Variants in RARS2 observed in about 807,000 individuals in gnomAD.
The protein encoded by RARS2 is arginyl-tRNA synthetase 2, mitochondrial.
A neutral mutation model predicts 88.5 loss-of-function variants in RARS2; 67 were observed. The ratio of observed to expected loss-of-function variants is 0.76; its 90% confidence interval spans 0.62 to 0.93. The LOEUF is 0.93. Among genes scored for constraint, RARS2 ranks in the 40% least tolerant of loss-of-function variants. The pLI is 0.00. For synonymous variants in RARS2, 239 were observed against 230.3 expected (o/e 1.04, Z -0.34); for missense variants, 664 against 684.2 (o/e 0.97, Z 0.33).
intron 16 of RARS2, 24 bp from the exon 17 acceptor site, chr6:87,518,288 A>G (rs1458782851): frequency 6.2e-7 from 1 of 1,613,958 alleles, no homozygotes; most frequent in African/African-American, 1.3e-5. Context: ...TAAAGTTAAA[A>G]ACATCAAAAG....
chr6:87,553,100 G>GA (rs1236742538), intron 5 of RARS2, among the ~76,000 whole-genome samples: 2 of 152,160 alleles, frequency 1.3e-5, no homozygotes, highest in Non-Finnish European at 2.9e-5. Flanking sequence ...TTCATCAGCA[G>GA]AAAGTGACAA....
At chr6:87,522,961 TAC>T (rs1252329368) in intron 11 of RARS2, among the ~76,000 whole-genome samples, 1 of 152,200 alleles carries the variant, frequency 6.6e-6, no homozygotes, top group Admixed American at 6.5e-5. Context: ...ATACAATATA[TAC>T]AGAGATACAG....
chr6:87,520,298 A>G, intron 12 of RARS2, 42 bp from the exon 13 acceptor site: 1 of 1,424,682 alleles, frequency 7.0e-7, no homozygotes, highest in Non-Finnish European at 9.8e-7. Flanking sequence ...ATACTGACAA[A>G]TTAATGTATA....
At chr6:87,580,592 A>AG (rs1251775445) in intron 1 of RARS2, among the ~76,000 whole-genome samples, 1 of 23,228 alleles carries the variant, frequency 4.3e-5, no homozygotes, top group African/African-American at 3.8e-4. Flanking sequence ...ACCCTGTCTC[A>AG]AAAAAAAAAA....
At chr6:87,530,730 C>T (rs1777223171) in intron 9 of RARS2, 54 bp downstream of exon 9, 3 of 1,580,358 alleles carry the variant, frequency 1.9e-6, no homozygotes, top group East Asian at 2.2e-5. Context: ...ATGCAGGTAA[C>T]AGCCGAGAGC....
intron 12 of RARS2, 108 bp from the exon 13 acceptor site, chr6:87,520,364 C>A: frequency 1.2e-6 from 1 of 852,546 alleles, no homozygotes; most frequent in Non-Finnish European, 1.9e-6. Flanking sequence ...AGACTAAAGT[C>A]GTCAATTGAT....
intron 5 of RARS2, 33 bp from the exon 6 acceptor site, chr6:87,548,679 T>C (rs778110587): frequency 5.1e-6 from 8 of 1,578,810 alleles, no homozygotes; most frequent in Middle Eastern, 1.7e-4. Flanking sequence ...TTCTCTATTC[T>C]AAGACTTAAG....
chr6:87,588,318 TAATC>T (rs1277419784), intron 1 of RARS2, among the ~76,000 whole-genome samples: 1 of 152,202 alleles, frequency 6.6e-6, no homozygotes, highest in East Asian at 1.9e-4. Context: ...CCAAATAACT[TAATC>T]ATTCATTATA....
chr6:87,520,619 CATG>C (rs1301279815), intron 12 of RARS2, among the ~76,000 whole-genome samples: 8 of 152,184 alleles, frequency 5.3e-5, no homozygotes, highest in African/African-American at 1.7e-4. Flanking sequence ...GAAGGTTTCA[CATG>C]ATAAGTAAGG....
At chr6:87,539,641 C>T (rs1008711962) in intron 8 of RARS2, among the ~76,000 whole-genome samples, 10 of 152,162 alleles carry the variant, frequency 6.6e-5, no homozygotes, top group African/African-American at 9.7e-5. Context: ...TGTGAGGTTC[C>T]GTTCCAGCCA....
chr6:87,553,063 G>C (rs1164267067), intron 5 of RARS2, among the ~76,000 whole-genome samples: 1 of 152,088 alleles, frequency 6.6e-6, no homozygotes, highest in East Asian at 1.9e-4. Flanking sequence ...TTCTTCCCTT[G>C]AATCTGGGGT....
At chr6:87,537,723 GA>G (rs1779642976) in intron 8 of RARS2, among the ~76,000 whole-genome samples, 1 of 152,108 alleles carries the variant, frequency 6.6e-6, no homozygotes, top group Non-Finnish European at 1.5e-5. Flanking sequence ...AAAGCTTTGA[GA>G]AAACAGATTT....
At chr6:87,531,528 G>A (rs1777525529) in intron 8 of RARS2, among the ~76,000 whole-genome samples, 1 of 152,144 alleles carries the variant, frequency 6.6e-6, no homozygotes, top group Non-Finnish European at 1.5e-5. Flanking sequence ...TACAATAGGT[G>A]ATCTTGGTAA....
At chr6:87,529,726 TG>T (rs1310034169) in intron 9 of RARS2, 78 bp from the exon 10 acceptor site, 2 of 939,218 alleles carry the variant, frequency 2.1e-6, no homozygotes, top group East Asian at 4.9e-5. Context: ...AAATTAAGGA[TG>T]CTCTACCACC....
chr6:87,526,037 C>T (rs993436686), intron 10 of RARS2, among the ~76,000 whole-genome samples: 1 of 152,010 alleles, frequency 6.6e-6, no homozygotes, highest in Non-Finnish European at 1.5e-5. Flanking sequence ...GAAAGATATC[C>T]TGTATTAATG....
intron 9 of RARS2, 107 bp from the exon 10 acceptor site, chr6:87,529,755 C>T: frequency 2.6e-6 from 2 of 770,650 alleles, no homozygotes; most frequent in Non-Finnish European, 2.3e-6. Flanking sequence ...CACATGAACA[C>T]AATAAAAATT....
At chr6:87,568,635 G>A (rs1768678588) in intron 2 of RARS2, among the ~76,000 whole-genome samples, 1 of 152,170 alleles carries the variant, frequency 6.6e-6, no homozygotes. Context: ...GGTAGTGGCT[G>A]CCTCTCTTAC....
chr6:87,529,387 T>C (rs1468282727), intron 10 of RARS2, among the ~76,000 whole-genome samples, 155 bp downstream of exon 10: 1 of 152,110 alleles, frequency 6.6e-6, no homozygotes, highest in African/African-American at 2.4e-5. Context: ...GGAAGCAAAA[T>C]ACAGAATGTG....
intron 6 of RARS2, 27 bp downstream of exon 6, chr6:87,548,564 G>A (rs1357527839): frequency 6.2e-7 from 1 of 1,602,344 alleles, no homozygotes; most frequent in Non-Finnish European, 8.5e-7. Context: ...GGAACGTTTA[G>A]CATTTTATGT....
Sources: allele counts gnomAD v4.1 joint callset (sites outside exome capture counted in the v4.1 genomes callset), GRCh38; gene constraint gnomAD v4.1.1; transcripts MANE v1.5; gene names NCBI Gene and HGNC (gene_info 2026-07-23, HGNC 2026-07-21).